POLR3F: variants seen among roughly 807,000 people sequenced by gnomAD.
POLR3F encodes the protein DNA-directed RNA polymerase III subunit RPC6.
POLR3F carries 31 observed loss-of-function variants against 43.6 expected under a neutral mutation model. The observed-to-expected ratio is 0.71, with a 90% confidence interval of 0.53 to 0.96. The LOEUF (loss-of-function observed/expected upper bound fraction) is 0.96, where lower values mean the gene tolerates loss of function less well. Among genes scored for constraint, POLR3F ranks in the 40% least tolerant of loss-of-function variants. POLR3F has a pLI of 0.00. For synonymous variants in POLR3F, 114 were observed against 132.5 expected (o/e 0.86, Z 0.96); for missense variants, 316 against 391.7 (o/e 0.81, Z 1.63).
At position 18,481,593 on chromosome 20, in the gene POLR3F, TCCTTTCTGATGTATC is replaced by T; in HGVS notation, c.682-20_682-6del. 1 of 1,490,688 alleles carries T rather than the reference TCCTTTCTGATGTATC, an allele frequency of 6.7e-7. No homozygotes were observed. The allele number at this position is 1,490,688 out of a possible 1,614,324, so 92.3% of individuals were successfully genotyped here. A position where few individuals can be genotyped will look rare whatever the true frequency, so the allele number is the denominator to read the frequency against. On this transcript the variant is annotated splice_polypyrimidine_tract_variant and intron_variant, in intron 7 of 8. Transcript: ENST00000377603. ...TGGATGTCTCCCTATCCTACTTGTGTCCTTTCTGATGTATCCCTTTTTTAGGTAGAGTTATCCATG... is the reference window on the plus strand; with the variant it reads ...TGGATGTCTCCCTATCCTACTTGTGTCCTTTTTTAGGTAGAGTTATCCATG...
intron 2 of POLR3F, among the ~76,000 whole-genome samples, chr20:18,472,231 G>GT: frequency 6.6e-6 from 1 of 152,118 alleles, no homozygotes; most frequent in Non-Finnish European, 1.5e-5. Context: ...TGTTTTGTTT[G>GT]TTTTTTGCTT....
At chr20:18,480,631 A>C (rs1250452446) in intron 7 of POLR3F, 122 bp downstream of exon 7, 1 of 664,266 alleles carries the variant, frequency 1.5e-6, no homozygotes, top group African/African-American at 1.8e-5. Flanking sequence ...AACATTCTGC[A>C]GAATCCACTT....
intron 2 of POLR3F, among the ~76,000 whole-genome samples, chr20:18,471,221 T>C (rs1291830644): frequency 1.3e-5 from 2 of 152,224 alleles, no homozygotes; most frequent in African/African-American, 2.4e-5. Flanking sequence ...AGATTGTTTT[T>C]GGTTTCTGGC....
intron 2 of POLR3F, among the ~76,000 whole-genome samples, chr20:18,471,943 C>CG (rs773289525): frequency 1.1e-4 from 16 of 152,316 alleles, no homozygotes; most frequent in Non-Finnish European, 1.9e-4. Flanking sequence ...GATTGTGCCA[C>CG]GGCACACCAG....
intron 6 of POLR3F, 23 bp downstream of exon 6, chr20:18,480,204 T>G: frequency 6.3e-7 from 1 of 1,594,736 alleles, no homozygotes; most frequent in Non-Finnish European, 8.6e-7. Context: ...TGAGGAAACA[T>G]CACTGCAAAC....
At chr20:18,469,176 A>G (rs531496621) in intron 2 of POLR3F, 115 bp downstream of exon 2, 19 of 694,190 alleles carry the variant, frequency 2.7e-5, no homozygotes, top group Middle Eastern at 2.9e-4. Context: ...CAGGATTCCT[A>G]CATATCTAGT....
At chr20:18,482,382 T>C (rs2059815506) in intron 8 of POLR3F, among the ~76,000 whole-genome samples, 1 of 152,184 alleles carries the variant, frequency 6.6e-6, no homozygotes, top group African/African-American at 2.4e-5. Context: ...GGCTAATCAT[T>C]TCACCTAAAT....
At position 18,473,508 on chromosome 20, in the gene POLR3F, A is replaced by G. The variant is rs201339604; in HGVS notation, c.316+50A>G. The G allele has an allele frequency of 9.2e-5, 81 of 879,856 alleles. No homozygotes were observed. The African/African-American group carries it at 1.0e-3, about 11-fold the overall frequency. The allele number at this position is 879,856 out of a possible 1,614,324, so 54.5% of individuals were successfully genotyped here. ...AAAAAAACATTGTCTTTGGAACTAG[A>G]TATAGGGACCCAGATCTCAGCTTCC... On this transcript the variant is annotated intron_variant, in intron 4 of 8. Coordinates refer to ENST00000377603, the MANE Select transcript of POLR3F (RefSeq NM_006466.4).
rs529602056 is a variant in POLR3F at position 18,468,122 on chromosome 20, G to T, written c.62+554G>T. Among the ~76,000 whole-genome samples the T allele has an allele frequency of 8.0e-4, 122 of 152,302 alleles. 1 individual carries two copies. The highest frequency in any genetic ancestry group is 2.6e-3 in the African/African-American group (108 of 41,564). ...AGACAGAGTCTCGCTCTGTCGCCAGGCTGGAGTGCAGTGGCGCGATCTCGG... is the reference window on the plus strand; with the variant it reads ...AGACAGAGTCTCGCTCTGTCGCCAGTCTGGAGTGCAGTGGCGCGATCTCGG... On this transcript the variant is annotated intron_variant, in intron 1 of 8. Coordinates refer to ENST00000377603, the MANE Select transcript of POLR3F (RefSeq NM_006466.4).
At position 18,473,026 on chromosome 20, in the gene POLR3F, A is replaced by G. The variant is rs2059761768; in HGVS notation, c.248+117A>G. On this transcript the variant is annotated intron_variant, in intron 3 of 8. Transcript: ENST00000377603. ...GTCCTGTGTATCATCCCTGCCTCCT[A>G]TGATATATTCCATTTCCCAGAGGTA... 4 of 486,444 alleles carry G rather than the reference A, an allele frequency of 8.2e-6. No individual in the cohort carries two copies. The South Asian group carries it at 1.3e-4, about 16-fold the overall frequency. The allele number at this position is 486,444 out of a possible 1,614,324, so 30.1% of individuals were successfully genotyped here.
chr20:18,479,898 A>G, intron 5 of POLR3F, 140 bp from the exon 6 acceptor site: 1 of 535,270 alleles, frequency 1.9e-6, no homozygotes, highest in Admixed American at 3.6e-5. Context: ...AAATAGGGGA[A>G]ACAGCATGAT....
At chr20:18,473,533 C>G in intron 4 of POLR3F, 75 bp downstream of exon 4, 1 of 724,536 alleles carries the variant, frequency 1.4e-6, no homozygotes, top group Non-Finnish European at 2.5e-6. Flanking sequence ...TCTCAGCTTC[C>G]CAGGGTAGAA....
intron 4 of POLR3F, 144 bp downstream of exon 4, chr20:18,473,602 G>A (rs1350144584): frequency 4.5e-6 from 2 of 444,420 alleles, no homozygotes; most frequent in Non-Finnish European, 8.5e-6. Flanking sequence ...ACATGCATGT[G>A]CTTGAAGGAC....
chr20:18,472,787 A>G, intron 2 of POLR3F, 55 bp from the exon 3 acceptor site: 1 of 783,036 alleles, frequency 1.3e-6, no homozygotes, highest in South Asian at 1.7e-5. Context: ...TTGTCATTTG[A>G]TTTAACATAT....
At chr20:18,472,998 C>G in intron 3 of POLR3F, 89 bp downstream of exon 3, 1 of 636,338 alleles carries the variant, frequency 1.6e-6, no homozygotes, top group Non-Finnish European at 2.8e-6. Context: ...ATTACATAAA[C>G]CTGTCCTGTG....
Position 18,483,697 on chromosome 20 carries a change from A to AT in POLR3F, c.*147dup, listed in dbSNP as rs75195416. ...CGTAGACTTGCTGCTATGAAAACATATTTTTTTTATTTATGAAGACTAAAT... is the reference window on the plus strand; with the variant it reads ...CGTAGACTTGCTGCTATGAAAACATATTTTTTTTTATTTATGAAGACTAAAT... On this transcript the variant is annotated 3_prime_UTR_variant, in exon 9 of 9. Coordinates refer to ENST00000377603, the MANE Select transcript of POLR3F (RefSeq NM_006466.4). 9,200 of 430,688 alleles carry AT rather than the reference A, an allele frequency of 0.021. 667 individuals are homozygous for AT. The highest frequency in any genetic ancestry group is 0.2 in the East Asian group (5,623 of 28,026). The allele number at this position is 430,688 out of a possible 1,614,324, so 26.7% of individuals were successfully genotyped here.
intron 1 of POLR3F, 165 bp downstream of exon 1, chr20:18,467,733 A>T (rs997955125): frequency 7.1e-7 from 1 of 1,404,874 alleles, no homozygotes; most frequent in African/African-American, 1.4e-5. Context: ...CCATCCTGGG[A>T]GAGCAGAACT....
At chr20:18,483,202 T>C (rs942479077) in intron 8 of POLR3F, among the ~76,000 whole-genome samples, 4 of 152,094 alleles carry the variant, frequency 2.6e-5, no homozygotes, top group Admixed American at 6.6e-5. Context: ...GTAGCTGGGA[T>C]TACAGGTGCC....
intron 8 of POLR3F, among the ~76,000 whole-genome samples, chr20:18,482,396 G>A (rs1486391117): frequency 4.6e-5 from 7 of 152,142 alleles, no homozygotes; most frequent in African/African-American, 1.2e-4. Flanking sequence ...CCTAAATAGG[G>A]CAGAAAATGA....
Sources: allele counts gnomAD v4.1 joint callset (sites outside exome capture counted in the v4.1 genomes callset), GRCh38; gene constraint gnomAD v4.1.1; transcripts MANE v1.5; gene names NCBI Gene and HGNC (gene_info 2026-07-23, HGNC 2026-07-21).